KCNIP4: variants seen among roughly 807,000 people sequenced by gnomAD.
KCNIP4 encodes the protein Kv channel-interacting protein 4.
KCNIP4 carries 12 observed loss-of-function variants against 34.0 expected under a neutral mutation model. The observed-to-expected ratio is 0.35, with a 90% CI of 0.23 to 0.57. The LOEUF is 0.57. Among genes scored for constraint, KCNIP4 ranks in the 20% least tolerant of loss-of-function variants. KCNIP4 has a pLI of 0.83. For synonymous variants in KCNIP4, 124 were observed against 102.2 expected (o/e 1.21, Z -1.29); for missense variants, 238 against 311.7 (o/e 0.76, Z 1.78).
At position 21,504,296 on chromosome 4, in the gene KCNIP4, C is replaced by T. The variant is rs1339187119; in HGVS notation, c.61+444275G>A. 2.0e-5 allele frequency among the ~76,000 whole-genome samples: 3 copies of T among 151,534 alleles called. No individual in the cohort carries two copies. The South Asian group carries it at 6.3e-4, about 32-fold the overall frequency. On this transcript the variant is annotated intron_variant, in intron 1 of 8. Coordinates refer to ENST00000382152, the MANE Select transcript of KCNIP4 (RefSeq NM_025221.6). Reference sequence around the variant, plus strand: ...CAGCCTGGCCAACATGGTGAAACCCCGTCTCTATTAAAAATACAAAAATTA... The same window carrying T: ...CAGCCTGGCCAACATGGTGAAACCCTGTCTCTATTAAAAATACAAAAATTA...
intron 1 of KCNIP4, among the ~76,000 whole-genome samples, chr4:21,034,557 G>A (rs1741289645): frequency 6.6e-6 from 1 of 152,134 alleles, no homozygotes; most frequent in Admixed American, 6.6e-5. Flanking sequence ...GGTAGCCTGT[G>A]ATACTTCCCA....
chr4:21,010,948 G>T (rs562566757), intron 1 of KCNIP4, among the ~76,000 whole-genome samples: 1 of 152,208 alleles, frequency 6.6e-6, no homozygotes, highest in Non-Finnish European at 1.5e-5. Flanking sequence ...ATTTGCGTTG[G>T]ATCACCCTGT....
chr4:20,782,237 C>A (rs550249385), intron 3 of KCNIP4, among the ~76,000 whole-genome samples: 50 of 152,226 alleles, frequency 3.3e-4, no homozygotes, highest in South Asian at 1.7e-3. Flanking sequence ...TGTCTGCAGC[C>A]TTTCCAGGTA....
intron 1 of KCNIP4, among the ~76,000 whole-genome samples, chr4:21,294,386 C>T (rs906539247): frequency 6.6e-6 from 1 of 152,136 alleles, no homozygotes; most frequent in African/African-American, 2.4e-5. Flanking sequence ...ACTGTGTCAT[C>T]GCATTTTGGC....
chr4:21,783,766 G>T (rs1022833150), intron 1 of KCNIP4, among the ~76,000 whole-genome samples: 4 of 152,084 alleles, frequency 2.6e-5, no homozygotes, highest in African/African-American at 9.7e-5. Context: ...ACATATCGGA[G>T]GAGTGGGTAA....
intron 1 of KCNIP4, among the ~76,000 whole-genome samples, chr4:21,287,356 T>C (rs1359280592): frequency 6.6e-6 from 1 of 152,178 alleles, no homozygotes; most frequent in Non-Finnish European, 1.5e-5. Flanking sequence ...ATGTGTGTAC[T>C]AAACATAGGT....
At chr4:21,806,099 G>A (rs1472752787) in intron 1 of KCNIP4, among the ~76,000 whole-genome samples, 1 of 152,126 alleles carries the variant, frequency 6.6e-6, no homozygotes, top group African/African-American at 2.4e-5. Context: ...GGTTTTTTCT[G>A]CCTTTCATAT....
intron 1 of KCNIP4, among the ~76,000 whole-genome samples, chr4:21,855,168 G>A (rs1056113126): frequency 6.6e-6 from 1 of 152,040 alleles, no homozygotes; most frequent in South Asian, 2.1e-4. Flanking sequence ...TTCAATTTTC[G>A]GTATCAAGCT....
chr4:20,835,740 A>T (rs901987463), intron 3 of KCNIP4, among the ~76,000 whole-genome samples: 6 of 152,090 alleles, frequency 3.9e-5, no homozygotes, highest in Non-Finnish European at 5.9e-5. Context: ...AATTTTGATT[A>T]CTAATTCTTA....
At chr4:21,930,610 C>T (rs1186659444) in intron 1 of KCNIP4, among the ~76,000 whole-genome samples, 2 of 152,088 alleles carry the variant, frequency 1.3e-5, no homozygotes, top group Non-Finnish European at 2.9e-5. Flanking sequence ...CTGACTATGG[C>T]TCGATTTTTC....
intron 1 of KCNIP4, among the ~76,000 whole-genome samples, chr4:21,828,076 C>A (rs948643624): frequency 7.3e-5 from 11 of 149,716 alleles, no homozygotes; most frequent in African/African-American, 2.4e-4. Context: ...AGAATTATCT[C>A]CATTGGATGC....
chr4:20,808,170 G>A (rs1233904430), intron 3 of KCNIP4, among the ~76,000 whole-genome samples: 1 of 152,106 alleles, frequency 6.6e-6, no homozygotes, highest in South Asian at 2.1e-4. Context: ...ACAACTAAAG[G>A]TCAGCTTTTC....
intron 1 of KCNIP4, among the ~76,000 whole-genome samples, chr4:21,414,374 T>C (rs777085108): frequency 6.6e-6 from 1 of 152,022 alleles, no homozygotes; most frequent in Non-Finnish European, 1.5e-5. Flanking sequence ...CAAAACAAAA[T>C]CACAATGACT....
chr4:21,446,999 GA>G lies in KCNIP4; in HGVS notation c.61+501571del, dbSNP rs958489860. Among the ~76,000 whole-genome samples, 265 of 141,366 alleles carry G rather than the reference GA, an allele frequency of 1.9e-3. 1 individual carries two copies. Among genetic ancestry groups the G allele is most frequent in the African/African-American group, 5.4e-3 (209 of 38,648 alleles). 92.7% of individuals were successfully genotyped at this position (141,366 alleles called of 152,430 possible). On this transcript the variant is annotated intron_variant, in intron 1 of 8. Coordinates refer to ENST00000382152, the MANE Select transcript of KCNIP4 (RefSeq NM_025221.6). The stretch of plus-strand genomic sequence containing the variant: ...AAGCTACTATAAACAGGTGCATACA[GA>G]AAAAAAAAAAGAAAAAGAGACTGAA...
intron 1 of KCNIP4, among the ~76,000 whole-genome samples, chr4:21,485,902 C>G (rs897461485): frequency 6.6e-5 from 10 of 152,160 alleles, no homozygotes; most frequent in Non-Finnish European, 1.2e-4. Context: ...AACAGGAAAG[C>G]CTGGTTCAGG....
chr4:21,113,642 C>T (rs375679271), intron 1 of KCNIP4, among the ~76,000 whole-genome samples: 5 of 152,086 alleles, frequency 3.3e-5, no homozygotes, highest in Non-Finnish European at 7.4e-5. Flanking sequence ...TACACAGCTC[C>T]AGCCCATGTG....
chr4:21,851,230 C>T (rs565813113), intron 1 of KCNIP4: 1 of 152,214 alleles, frequency 6.6e-6, no homozygotes, highest in African/African-American at 2.4e-5. Context: ...CTCAGGAAGG[C>T]ATTCAAATCC....
intron 1 of KCNIP4, among the ~76,000 whole-genome samples, chr4:21,862,635 C>A (rs1725140426): frequency 1.3e-5 from 2 of 152,090 alleles, no homozygotes; most frequent in South Asian, 2.1e-4. Flanking sequence ...TGATTCCCAG[C>A]CAGATGGTAG....
intron 1 of KCNIP4, among the ~76,000 whole-genome samples, chr4:21,519,156 G>A (rs1232008975): frequency 6.6e-6 from 1 of 152,022 alleles, no homozygotes; most frequent in Admixed American, 6.6e-5. Flanking sequence ...CCTTTGGGAG[G>A]TGATTGAGAC....
Sources: allele counts gnomAD v4.1 joint callset (sites outside exome capture counted in the v4.1 genomes callset), GRCh38; gene constraint gnomAD v4.1.1; transcripts MANE v1.5; gene names NCBI Gene and HGNC (gene_info 2026-07-23, HGNC 2026-07-21).